Variants in GRID1 observed in about 807,000 individuals in gnomAD.
GRID1 encodes glutamate receptor ionotropic, delta-1.
A neutral mutation model predicts 98.0 loss-of-function variants in GRID1; 28 were observed. The ratio of observed to expected loss-of-function variants is 0.29; its 90% CI spans 0.21 to 0.39. The LOEUF (loss-of-function observed/expected upper bound fraction) is 0.39, where lower values mean the gene tolerates loss of function less well. Among genes scored for constraint, GRID1 ranks in the 10% least tolerant of loss-of-function variants. The pLI is 1.00. For synonymous variants in GRID1, 553 were observed against 538.5 expected, an observed-to-expected ratio of 1.03 and a Z score of -0.37; for missense variants, 1,111 against 1,340.5, an observed-to-expected ratio of 0.83 and a Z score of 2.67.
chr10:85,912,559 T>C (rs1019926190), intron 5 of GRID1, among the ~76,000 whole-genome samples: 1 of 151,902 alleles, frequency 6.6e-6, no homozygotes, highest in African/African-American at 2.4e-5. Context: ...AGGAGGAAAC[T>C]GAAAGGCAGA....
intron 8 of GRID1, among the ~76,000 whole-genome samples, chr10:85,822,742 T>G (rs1231045844): frequency 1.3e-5 from 2 of 152,172 alleles, no homozygotes; most frequent in Admixed American, 6.6e-5. Context: ...TGCACACGTA[T>G]GTTTATTGCG....
At chr10:85,705,596 T>C (rs1484046092) in intron 12 of GRID1, among the ~76,000 whole-genome samples, 1 of 152,220 alleles carries the variant, frequency 6.6e-6, no homozygotes, top group Non-Finnish European at 1.5e-5. Context: ...GAATCTTCCC[T>C]AACTCGTTTT....
At chr10:86,173,225 C>A (rs1185300628) in intron 3 of GRID1, among the ~76,000 whole-genome samples, 1 of 152,042 alleles carries the variant, frequency 6.6e-6, no homozygotes, top group Non-Finnish European at 1.5e-5. Flanking sequence ...TTTTTGTAGA[C>A]ACAGGGTCTT....
chr10:86,144,913 T>C (rs1845063457), intron 3 of GRID1, among the ~76,000 whole-genome samples: 1 of 152,140 alleles, frequency 6.6e-6, no homozygotes. Flanking sequence ...AGTTCCACTC[T>C]CCCTTCTCAG....
At chr10:85,957,678 A>G (rs1842212614) in intron 4 of GRID1, among the ~76,000 whole-genome samples, 1 of 152,216 alleles carries the variant, frequency 6.6e-6, no homozygotes. Context: ...GAACACCCTG[A>G]ATCCCAGACA....
chr10:86,231,323 C>G (rs1274981984), intron 2 of GRID1, among the ~76,000 whole-genome samples: 1 of 152,164 alleles, frequency 6.6e-6, no homozygotes, highest in African/African-American at 2.4e-5. Context: ...GCCCTCTTGA[C>G]CCCCACCATC....
intron 4 of GRID1, among the ~76,000 whole-genome samples, chr10:86,019,480 A>AC (rs373357453): frequency 6.7e-6 from 1 of 150,154 alleles, no homozygotes; most frequent in East Asian, 2.0e-4. Context: ...CCTGCCCATG[A>AC]CCCCCCTCCA....
intron 8 of GRID1, among the ~76,000 whole-genome samples, chr10:85,845,921 C>T (rs1002636616): frequency 6.6e-6 from 1 of 151,856 alleles, no homozygotes; most frequent in Admixed American, 6.6e-5. Flanking sequence ...CAGGAAAAAC[C>T]TAATTAAGGG....
chr10:85,793,325 G>A lies in GRID1; in HGVS notation c.1233+61171C>T, dbSNP rs115502680. ...CTGCTGTCCATCCAGCAGCACAGGT[G>A]TGCTCTCCGCAATCAAGCTGCACTT... On this transcript the variant is annotated intron_variant, in intron 8 of 15. Coordinates refer to ENST00000327946, the MANE Select transcript of GRID1 (RefSeq NM_017551.3). 9.6e-3 allele frequency among the ~76,000 whole-genome samples: 1,461 copies of A among 152,294 alleles called. 19 individuals are homozygous for A. The highest frequency in any genetic ancestry group is 0.033 in the African/African-American group (1,386 of 41,568).
In GRID1 at chr10:85,601,721, C is replaced by T. The variant is rs1205244249; in HGVS notation, c.*552G>A. 1.3e-5 allele frequency: 2 copies of T among 153,658 alleles called. No homozygotes were observed. The highest frequency in any genetic ancestry group is 4.8e-5 in the African/African-American group (2 of 41,470). The allele number at this position is 153,658 out of a possible 1,614,324, so 9.5% of individuals were successfully genotyped here. ...GGCACCTCCTCAGCCCCAGGCTACC[C>T]AGAACAGCCGATCACCCTACAGCAC... On this transcript the variant is annotated 3_prime_UTR_variant, in exon 16 of 16. Transcript: ENST00000327946.
intron 4 of GRID1, among the ~76,000 whole-genome samples, chr10:86,101,093 A>G (rs1198606340): frequency 6.6e-6 from 1 of 151,976 alleles, no homozygotes; most frequent in Non-Finnish European, 1.5e-5. Context: ...GAGGAAAACA[A>G]GTATAGAGAT....
chr10:85,793,128 G>A (rs1842496157), intron 8 of GRID1, among the ~76,000 whole-genome samples: 1 of 152,056 alleles, frequency 6.6e-6, no homozygotes, highest in South Asian at 2.1e-4. Context: ...GCCTTTCCAC[G>A]TCCAATTTCC....
At chr10:86,143,005 A>C (rs1472108470) in intron 3 of GRID1, among the ~76,000 whole-genome samples, 2 of 152,210 alleles carry the variant, frequency 1.3e-5, no homozygotes, top group Non-Finnish European at 2.9e-5. Context: ...CCACTGCTGC[A>C]TTTCTGGCTT....
At chr10:86,048,264 G>C (rs1434446732) in intron 4 of GRID1, among the ~76,000 whole-genome samples, 1 of 152,148 alleles carries the variant, frequency 6.6e-6, no homozygotes, top group Non-Finnish European at 1.5e-5. Flanking sequence ...AGAAGACATT[G>C]ACTTCTTTGA....
intron 4 of GRID1, among the ~76,000 whole-genome samples, chr10:86,001,194 A>G (rs1009580547): frequency 5.0e-4 from 76 of 152,210 alleles, no homozygotes; most frequent in Non-Finnish European, 9.8e-4. Flanking sequence ...TCAGGGTAGG[A>G]AAATGCTGTC....
intron 3 of GRID1, among the ~76,000 whole-genome samples, chr10:86,168,527 CACA>C (rs1017703628): frequency 6.6e-6 from 1 of 152,188 alleles, no homozygotes; most frequent in African/African-American, 2.4e-5. Context: ...CTGCTGTCCA[CACA>C]ACACCTGTGG....
intron 3 of GRID1, among the ~76,000 whole-genome samples, chr10:86,180,243 G>T (rs192245357): frequency 6.6e-6 from 1 of 152,142 alleles, no homozygotes; most frequent in Non-Finnish European, 1.5e-5. Flanking sequence ...CCTGGGGCCC[G>T]CAGTGATTGG....
chr10:85,733,472 C>A (rs1012271873), intron 8 of GRID1, among the ~76,000 whole-genome samples: 1 of 152,152 alleles, frequency 6.6e-6, no homozygotes, highest in Non-Finnish European at 1.5e-5. Flanking sequence ...AGTCAGTAGA[C>A]CTATGTTCTA....
At chr10:86,337,612 T>C (rs916322184) in intron 2 of GRID1, among the ~76,000 whole-genome samples, 31 of 151,026 alleles carry the variant, frequency 2.1e-4, no homozygotes, top group African/African-American at 6.8e-4. Context: ...CTCCTCGTGG[T>C]GGCCTGGAAG....
Sources: gnomAD v4.1 joint callset for allele counts (sites outside exome capture counted in the v4.1 genomes callset) on GRCh38, gnomAD v4.1.1 for gene constraint, MANE v1.5 for transcripts, NCBI Gene and HGNC (gene_info 2026-07-23, HGNC 2026-07-21) for gene names.